Variants in TUBG2 observed in about 807,000 individuals in gnomAD.
TUBG2 encodes the protein tubulin gamma 2.
Under a neutral mutation model 55.1 loss-of-function variants are expected in TUBG2, and 39 were observed. That is an observed-to-expected ratio of 0.71 (90% CI 0.55 to 0.93). The LOEUF (loss-of-function observed/expected upper bound fraction) is 0.93. Ranked by LOEUF, TUBG2 falls within the 40% of genes least tolerant of loss-of-function variation. The pLI, the probability that TUBG2 is intolerant of heterozygous loss-of-function variation, is 0.00. For synonymous variants in TUBG2, 223 were observed against 241.0 expected, an observed-to-expected ratio of 0.93 and a Z score of 0.69; for missense variants, 358 against 599.1, an observed-to-expected ratio of 0.60 and a Z score of 4.20.
chr17:42,662,884 G>T, intron 4 of TUBG2, 89 bp from the exon 5 acceptor site: 1 of 1,312,888 alleles, frequency 7.6e-7, no homozygotes, highest in Non-Finnish European at 1.1e-6. Context: ...CCTGATGTGT[G>T]TGGTAAGACC....
At chr17:42,663,718 C>T (rs1297434138) in intron 6 of TUBG2, among the ~76,000 whole-genome samples, 1 of 151,930 alleles carries the variant, frequency 6.6e-6, no homozygotes, top group Non-Finnish European at 1.5e-5. Flanking sequence ...CTGAGACGGG[C>T]GGATCACCTA....
At chr17:42,664,503 C>G (rs1055940238) in intron 6 of TUBG2, among the ~76,000 whole-genome samples, 4 of 152,114 alleles carry the variant, frequency 2.6e-5, no homozygotes, top group African/African-American at 9.7e-5. Flanking sequence ...CACCACGTAT[C>G]CCACCTTTGC....
At chr17:42,661,759 C>T (rs956337942) in intron 4 of TUBG2, among the ~76,000 whole-genome samples, 1 of 152,194 alleles carries the variant, frequency 6.6e-6, no homozygotes, top group Non-Finnish European at 1.5e-5. Context: ...AATGGATGAA[C>T]GTAAGTAAGT....
At position 42,662,959 on chromosome 17, in the gene TUBG2, C is replaced by T. The variant is rs1208549112; in HGVS notation, c.400-14C>T. ...CAGGAGAAACTGAGTCTGTTTATTC[C>T]TGTATACACACAGGGCTTCGTGCTG... is the stretch of plus-strand genomic sequence containing the variant. On this transcript the variant is annotated splice_polypyrimidine_tract_variant and intron_variant, in intron 4 of 10. Coordinates refer to ENST00000251412, the MANE Select transcript of TUBG2 (RefSeq NM_016437.3). 1.9e-6 allele frequency: 3 copies of T among 1,612,720 alleles called. No homozygotes were observed. The Admixed American group carries it at 5.0e-5, about 27-fold the overall frequency.
At chr17:42,659,608 C>A in intron 1 of TUBG2, 56 bp downstream of exon 1, 1 of 1,513,122 alleles carries the variant, frequency 6.6e-7, no homozygotes, top group East Asian at 2.4e-5. Flanking sequence ...TCGGGTCCCA[C>A]CCAAGTGCCT....
chr17:42,660,434 C>G, intron 3 of TUBG2, 118 bp downstream of exon 3: 3 of 1,517,250 alleles, frequency 2.0e-6, no homozygotes, highest in Admixed American at 3.7e-5. Context: ...ATGTCCCGAA[C>G]AAGAGGGACA....
In TUBG2 at chr17:42,663,042, CTGAA is replaced by C; in HGVS notation, c.473_476del (p.Asn158ThrfsTer7). The C allele has an allele frequency of 6.2e-7, 1 of 1,614,048 alleles. No homozygotes were observed. Among genetic ancestry groups the C allele is most frequent in the South Asian group, 1.1e-5 (1 of 91,080 alleles). ...CCTGGGCTCCTACCTCCTGGAGCGA[CTGAA>C]TGACAGGCAAGCCTGTGTTTGGGGA... On this transcript the variant is annotated frameshift_variant, in exon 5 of 11. Transcript: ENST00000251412. LOFTEE classifies it high-confidence loss of function.
rs769035664 is a variant in TUBG2 at position 42,666,308 on chromosome 17, C to T, written c.997-15C>T. The T allele has an allele frequency of 3.7e-6, 6 of 1,614,064 alleles. No individual in the cohort carries two copies. Among genetic ancestry groups the T allele is most frequent in the Non-Finnish European group, 5.1e-6 (6 of 1,180,026 alleles). On this transcript the variant is annotated splice_polypyrimidine_tract_variant and intron_variant, in intron 9 of 10. Transcript: ENST00000251412. ...AGAGGAGAGGCCACCTCCACTGCTC[C>T]TATGCCCACCCCAGGTCCACAAGAG... is the stretch of plus-strand genomic sequence containing the variant.
intron 2 of TUBG2, 42 bp from the exon 3 acceptor site, chr17:42,660,107 C>T: frequency 7.0e-7 from 1 of 1,434,926 alleles, no homozygotes; most frequent in South Asian, 1.3e-5. Context: ...GGACTTGGGC[C>T]GCCCTAGCTG....
chr17:42,666,620 C>T lies in TUBG2; in HGVS notation c.1176C>T (p.Cys392=), dbSNP rs1336849636. The T allele has an allele frequency of 3.1e-6, 5 of 1,614,220 alleles. No individual in the cohort carries two copies. Among genetic ancestry groups the T allele is most frequent in the Admixed American group, 1.7e-5 (1 of 60,022 alleles). The change falls in exon 11 of 11, where the codon TGC becomes TGT. Residue 392 remains cysteine, a synonymous_variant. Transcript: ENST00000251412. ...TSISSLFESS[C]QQFDKLRKRD... Reference sequence around the variant, plus strand: ...TCTTTCAGCTCTTTGAAAGTTCCTGCCAGCAGTTTGACAAGCTGCGGAAGC... The same window carrying T: ...TCTTTCAGCTCTTTGAAAGTTCCTGTCAGCAGTTTGACAAGCTGCGGAAGC...
chr17:42,666,729 C>T lies in TUBG2; in HGVS notation c.1285C>T (p.Gln429Ter). 6.2e-7 allele frequency: 1 copy of T among 1,614,152 alleles called. No homozygotes were observed. Among genetic ancestry groups the T allele is most frequent in the East Asian group, 2.2e-5 (1 of 44,880 alleles). ...DEMDRSREVV[Q>*]ELIDEYHAAT... ...GATGGACAGGTCTAGGGAGGTTGTT[C>T]AGGAGCTCATTGATGAGTACCATGC... Residue 429 changes from glutamine to a stop codon, truncating the protein, a stop_gained, in exon 11 of 11, where the codon CAG (glutamine) becomes TAG (stop). Transcript: ENST00000251412. LOFTEE classifies it high-confidence loss of function.
At chr17:42,659,592 G>A in intron 1 of TUBG2, 40 bp downstream of exon 1, 1 of 1,532,448 alleles carries the variant, frequency 6.5e-7, no homozygotes, top group South Asian at 1.2e-5. Context: ...CTCTGGTTCT[G>A]CCCCTTCGGG....
Position 42,659,417 on chromosome 17 carries a change from C to A in TUBG2, c.-87C>A. 2 of 1,410,218 alleles carry A rather than the reference C, an allele frequency of 1.4e-6. No homozygotes were observed. Among genetic ancestry groups the A allele is most frequent in the South Asian group, 1.3e-5 (1 of 75,870 alleles). 87.4% of individuals were successfully genotyped at this position (1,410,218 alleles called of 1,614,324 possible). Reference sequence around the variant, plus strand: ...AAGAGGCGAAGAGAGCGCGCGCTCCCCACGTCCTGCGCTCCTGGCTGCCGG... The same window carrying A: ...AAGAGGCGAAGAGAGCGCGCGCTCCACACGTCCTGCGCTCCTGGCTGCCGG... On this transcript the variant is annotated 5_prime_UTR_variant, in exon 1 of 11. Transcript: ENST00000251412.
In TUBG2 at chr17:42,660,231, A is replaced by G. The variant is rs2052352299; in HGVS notation, c.245A>G (p.Tyr82Cys). 1.9e-6 allele frequency: 3 copies of G among 1,613,336 alleles called. No individual in the cohort carries two copies. In the African/African-American group the frequency reaches 4.0e-5, roughly 22 times the overall value. ...ATCCACTCCATCCTCAACTCCCCCT[A>G]TGCCAAGCTCTACAACCCAGAGAAC... ...RVIHSILNSPYAKLYNPENIY... is the reference protein window; with the variant it reads ...RVIHSILNSPCAKLYNPENIY... Residue 82 changes from tyrosine (Y) to cysteine (C), a missense_variant, in exon 3 of 11, where the codon TAT becomes TGT. Tyr to Cys is a radical substitution (Grantham distance 194, BLOSUM62 -2). This residue lies in a region of TUBG2 where 32 missense variants were observed against 115.1 expected (regional missense o/e 0.28). Coordinates refer to ENST00000251412, the MANE Select transcript of TUBG2 (RefSeq NM_016437.3).
chr17:42,666,789 C>G lies in TUBG2; in HGVS notation c.1345C>G (p.Gln449Glu). The G allele has an allele frequency of 1.9e-6, 3 of 1,614,042 alleles. No individual in the cohort carries two copies. In the South Asian group the frequency reaches 3.3e-5, roughly 18 times the overall value. ...GCCAGACTACATTTCCTGGGGCACCCAGGAGCAGTGATTTCCCTCCCCACT... is the reference window on the plus strand; with the variant it reads ...GCCAGACTACATTTCCTGGGGCACCGAGGAGCAGTGATTTCCCTCCCCACT... ...TQPDYISWGT[Q>E]EQ Residue 449 changes from glutamine to glutamate, a missense_variant, in exon 11 of 11, where the codon CAG (glutamine) becomes GAG (glutamate). Around this residue, in one of 8 missense-constraint regions of TUBG2, gnomAD observed 54 missense variants for 50.2 expected, o/e 1.08. Transcript: ENST00000251412.
In TUBG2 at chr17:42,664,047, G is replaced by A. The variant is rs146733139; in HGVS notation, c.606+544G>A. Reference sequence around the variant, plus strand: ...CTTGAACCCGGGAGGCAAAGGTTGCGGTGAGTCAAGATCACACCATTGCAC... The same window carrying A: ...CTTGAACCCGGGAGGCAAAGGTTGCAGTGAGTCAAGATCACACCATTGCAC... On this transcript the variant is annotated intron_variant, in intron 6 of 10. Coordinates refer to ENST00000251412, the MANE Select transcript of TUBG2 (RefSeq NM_016437.3). Among the ~76,000 whole-genome samples, 211 of 150,266 alleles carry A rather than the reference G, an allele frequency of 1.4e-3. 2 individuals carry two copies. Among genetic ancestry groups the A allele is most frequent in the African/African-American group, 4.4e-3 (178 of 40,894 alleles).
chr17:42,666,867 T>G lies in TUBG2; in HGVS notation c.*67T>G. The G allele has an allele frequency of 1.3e-6, 2 of 1,562,780 alleles. No homozygotes were observed. The highest frequency in any genetic ancestry group is 1.4e-5 in the African/African-American group (1 of 73,888). On this transcript the variant is annotated 3_prime_UTR_variant, in exon 11 of 11. Coordinates refer to ENST00000251412, the MANE Select transcript of TUBG2 (RefSeq NM_016437.3). ...CAGCCTCGACCATGCCTGCTCCCTC[T>G]GACCCAGCTTCACCTCATGGACAAC... is the stretch of plus-strand genomic sequence containing the variant.
chr17:42,665,881 C>A lies in TUBG2; in HGVS notation c.843+54C>A, dbSNP rs2052524374. 10 of 1,610,018 alleles carry A rather than the reference C, an allele frequency of 6.2e-6. No homozygotes were observed. In the South Asian group the frequency reaches 9.9e-5, roughly 16 times the overall value. ...AGGCTGGCCCTGGGCCCAGCAGGCC[C>A]TGCCCCAGCCTTTCTCTCTTCCCCA... On this transcript the variant is annotated intron_variant, in intron 8 of 10. Coordinates refer to ENST00000251412, the MANE Select transcript of TUBG2 (RefSeq NM_016437.3).
At chr17:42,659,726 C>A in intron 1 of TUBG2, 108 bp from the exon 2 acceptor site, 1 of 1,465,560 alleles carries the variant, frequency 6.8e-7, no homozygotes, top group Non-Finnish European at 9.3e-7. Context: ...AGCTACCAAA[C>A]CCAGGCATCT....
Sources: gnomAD v4.1 joint callset for allele counts (sites outside exome capture counted in the v4.1 genomes callset) on GRCh38, gnomAD v4.1.1 for gene constraint, gnomAD v4.1.1 regional missense constraint, MANE v1.5 for transcripts, NCBI Gene and HGNC (gene_info 2026-07-23, HGNC 2026-07-21) for gene names.